Variants in SH2B1 observed in about 807,000 individuals in gnomAD.
The protein encoded by SH2B1 is SH2B adaptor protein 1.
A neutral mutation model predicts 62.6 loss-of-function variants in SH2B1; 15 were observed. The ratio of observed to expected loss-of-function variants is 0.24; its 90% confidence interval spans 0.16 to 0.37. The LOEUF (loss-of-function observed/expected upper bound fraction) is 0.37. Ranked by LOEUF, SH2B1 falls within the 10% of genes least tolerant of loss-of-function variation. The pLI is 1.00. For missense variants in SH2B1, 925 were observed against 1,015.6 expected (o/e 0.91, Z 1.21); for synonymous variants, 443 against 438.0 (o/e 1.01, Z -0.14).
Position 28,863,909 on chromosome 16 carries a change from G to C in SH2B1, c.-2186G>C. 1 of 1,494,130 alleles carries C rather than the reference G, an allele frequency of 6.7e-7. No individual in the cohort carries two copies. The highest frequency in any genetic ancestry group is 8.9e-7 in the Non-Finnish European group (1 of 1,127,974). 92.6% of individuals were successfully genotyped at this position (1,494,130 alleles called of 1,614,324 possible). A position where few individuals can be genotyped will look rare whatever the true frequency, so the allele number is the denominator to read the frequency against. On this transcript the variant is annotated 5_prime_UTR_variant, in exon 1 of 8. Coordinates refer to ENST00000684370, the MANE Select transcript of SH2B1 (RefSeq NM_001387430.1). ...GGGAGCGGGAGCCGCCGCCGCCGCC[G>C]CCGCCGCCGGAGCTAACCTCGGGGA...
chr16:28,858,111 T>C (rs1220981543), intron 1 of SH2B1, among the ~76,000 whole-genome samples: 2 of 152,136 alleles, frequency 1.3e-5, no homozygotes, highest in Non-Finnish European at 2.9e-5. Flanking sequence ...CCCTGGGGGT[T>C]GGGCTGGCTC....
At chr16:28,869,510 A>T in intron 4 of SH2B1, 127 bp downstream of exon 4, 2 of 789,172 alleles carry the variant, frequency 2.5e-6, no homozygotes, top group Non-Finnish European at 3.9e-6. Context: ...CCCTACCCCA[A>T]CCCCACCAAA....
At chr16:28,855,635 A>AT (rs1962302952) in intron 1 of SH2B1, among the ~76,000 whole-genome samples, 1 of 138,334 alleles carries the variant, frequency 7.2e-6, no homozygotes, top group Non-Finnish European at 1.6e-5. Context: ...GAACTTATTT[A>AT]TTTATTTATT....
Position 28,865,985 on chromosome 16 carries a change from G to C in SH2B1, c.-110G>C. 1 of 1,493,850 alleles carries C rather than the reference G, an allele frequency of 6.7e-7. No individual in the cohort carries two copies. 92.5% of individuals were successfully genotyped at this position (1,493,850 alleles called of 1,614,324 possible). A position where few individuals can be genotyped will look rare whatever the true frequency, so the allele number is the denominator to read the frequency against. On this transcript the variant is annotated 5_prime_UTR_variant, in exon 1 of 8. Transcript: ENST00000684370. Reference sequence around the variant, plus strand: ...CGGTGCGCCCTCAGCAGTGACCCTCGTGTGTGCCTCTCTCTTCCTTTCGCA... The same window carrying C: ...CGGTGCGCCCTCAGCAGTGACCCTCCTGTGTGCCTCTCTCTTCCTTTCGCA...
At chr16:28,856,661 C>G (rs1215787580) in intron 1 of SH2B1, among the ~76,000 whole-genome samples, 2 of 152,026 alleles carry the variant, frequency 1.3e-5, no homozygotes, top group Non-Finnish European at 2.9e-5. Flanking sequence ...TGGTGCCACT[C>G]TATAAATCCT....
Position 28,873,208 on chromosome 16 carries a change from G to A in SH2B1, c.1898-239G>A. ...TGGGAGCCATGCGGGGGTGTGCGAG[G>A]GAGATGGATGCCACCCCGATGCCTC... On this transcript the variant is annotated intron_variant, in intron 7 of 7. Coordinates refer to ENST00000684370, the MANE Select transcript of SH2B1 (RefSeq NM_001387430.1). This position sits in a 1 kb window ranked among gnomAD's most constrained non-coding sequence, Gnocchi z 4.2. 1.2e-6 allele frequency: 2 copies of A among 1,601,414 alleles called. No homozygotes were observed. Among genetic ancestry groups the A allele is most frequent in the Non-Finnish European group, 1.7e-6 (2 of 1,177,034 alleles).
intron 1 of SH2B1, among the ~76,000 whole-genome samples, chr16:28,852,057 ACT>A (rs1451909707): frequency 2.0e-5 from 3 of 148,998 alleles, no homozygotes; most frequent in South Asian, 2.1e-4. Context: ...ACAGAGTGAG[ACT>A]CTGTCTCAAA....
At chr16:28,859,877 C>T (rs976317217), upstream of SH2B1, among the ~76,000 whole-genome samples, 9 of 114,004 alleles carry the variant, frequency 7.9e-5, no homozygotes, top group Non-Finnish European at 1.4e-4. Flanking sequence ...GACCCCCCCC[C>T]CCCGGCTGTT....
upstream of SH2B1, among the ~76,000 whole-genome samples, chr16:28,859,927 T>C (rs927264389): frequency 6.2e-5 from 9 of 145,416 alleles, no homozygotes; most frequent in Non-Finnish European, 9.0e-5. Context: ...TTCTAGTAGT[T>C]ATAGCGGAAA....
chr16:28,873,371 G>T lies in SH2B1; in HGVS notation c.1898-76G>T. On this transcript the variant is annotated intron_variant, in intron 7 of 7. Coordinates refer to ENST00000684370, the MANE Select transcript of SH2B1 (RefSeq NM_001387430.1). This position sits in a 1 kb window ranked among gnomAD's most constrained non-coding sequence, Gnocchi z 4.2. ...GGGGAGACAGCCACGCTCCTGGGGG[G>T]CTGAGTGAAGGGGAGGCCACGGCAG... is the stretch of plus-strand genomic sequence containing the variant. 1 of 1,582,750 alleles carries T rather than the reference G, an allele frequency of 6.3e-7. No individual in the cohort carries two copies. Among genetic ancestry groups the T allele is most frequent in the Non-Finnish European group, 8.5e-7 (1 of 1,171,686 alleles).
In SH2B1 at chr16:28,864,439, C is replaced by T. The variant is rs1212206477; in HGVS notation, c.-1656C>T. 3.0e-6 allele frequency: 3 copies of T among 986,488 alleles called. No individual in the cohort carries two copies. The highest frequency in any genetic ancestry group is 1.7e-5 in the African/African-American group (1 of 57,208). 61.1% of individuals were successfully genotyped at this position (986,488 alleles called of 1,614,324 possible). On this transcript the variant is annotated 5_prime_UTR_variant, in exon 1 of 8. Transcript: ENST00000684370. The stretch of plus-strand genomic sequence containing the variant: ...GCTGGCTGGAGATTGGTTTGCACTT[C>T]TTGGCTGGGTTCCCCCGTGCTCCAT...
chr16:28,856,680 G>A (rs888129228), intron 1 of SH2B1, among the ~76,000 whole-genome samples: 2 of 150,198 alleles, frequency 1.3e-5, no homozygotes, highest in Non-Finnish European at 3.0e-5. Flanking sequence ...CTTCCTCAGA[G>A]GAAGCTCAAG....
At chr16:28,850,371 C>A (rs1298953742) in intron 1 of SH2B1, among the ~76,000 whole-genome samples, 1 of 152,126 alleles carries the variant, frequency 6.6e-6, no homozygotes, top group Admixed American at 6.6e-5. Flanking sequence ...CCAGCCTGGG[C>A]AAAATAGTGA....
In SH2B1 at chr16:28,870,994, CGTGTGTGT is replaced by C. The variant is rs35079060; in HGVS notation, c.1310-755_1310-748del. Among the ~76,000 whole-genome samples the C allele has an allele frequency of 2.7e-3, 384 of 141,540 alleles. 1 individual carries two copies. The highest frequency in any genetic ancestry group is 9.7e-3 in the African/African-American group (373 of 38,286). 92.9% of individuals were successfully genotyped at this position (141,540 alleles called of 152,430 possible). Reference sequence around the variant, plus strand: ...GAGCCACTGTGTGCAGCCAGAATTCCGTGTGTGTGTGTGTGTGTGTGTGTGTGTGTGTG... The same window carrying C: ...GAGCCACTGTGTGCAGCCAGAATTCCGTGTGTGTGTGTGTGTGTGTGTGTG... On this transcript the variant is annotated intron_variant, in intron 4 of 7. Transcript: ENST00000684370.
upstream of SH2B1, chr16:28,862,692 C>G (rs1314141738): frequency 6.8e-6 from 1 of 146,782 alleles, no homozygotes; most frequent in Non-Finnish European, 1.5e-5. Context: ...CTCGGCTCAC[C>G]GCAACCTCTG....
In SH2B1 at chr16:28,865,470, T is replaced by C. The variant is rs1406847661; in HGVS notation, c.-625T>C. 1.0e-6 allele frequency: 1 copy of C among 985,570 alleles called. No individual in the cohort carries two copies. 61.1% of individuals were successfully genotyped at this position (985,570 alleles called of 1,614,324 possible). A position where few individuals can be genotyped will look rare whatever the true frequency, so the allele number is the denominator to read the frequency against. On this transcript the variant is annotated 5_prime_UTR_variant, in exon 1 of 8. Transcript: ENST00000684370. ...AGCTCCTCTCTAGCCCCCTGCGAGCTGGGGCGGTGAGGTGCTATGGCTGAG... is the reference window on the plus strand; with the variant it reads ...AGCTCCTCTCTAGCCCCCTGCGAGCCGGGGCGGTGAGGTGCTATGGCTGAG...
intron 1 of SH2B1, among the ~76,000 whole-genome samples, chr16:28,857,052 G>A (rs1962335123): frequency 6.6e-6 from 1 of 152,166 alleles, no homozygotes; most frequent in Non-Finnish European, 1.5e-5. Context: ...GGAGGCCGAG[G>A]TGGGAGGATC....
intron 1 of SH2B1, among the ~76,000 whole-genome samples, chr16:28,851,657 G>C (rs1276546019): frequency 6.6e-6 from 1 of 150,748 alleles, no homozygotes; most frequent in Admixed American, 6.6e-5. Context: ...TAGAGATGGA[G>C]TTTCACCATG....
chr16:28,867,468 G>C, intron 2 of SH2B1, 36 bp downstream of exon 2: 1 of 1,507,346 alleles, frequency 6.6e-7, no homozygotes, highest in East Asian at 2.3e-5. Context: ...GGCAGTGCTT[G>C]TGTTAAGGAG....
Sources: gnomAD v4.1 joint callset for allele counts (sites outside exome capture counted in the v4.1 genomes callset) on GRCh38, gnomAD v4.1.1 for gene constraint, Gnocchi (gnomAD v3.1) non-coding constraint, MANE v1.5 for transcripts, NCBI Gene and HGNC (gene_info 2026-07-23, HGNC 2026-07-21) for gene names.